The following ZNF385D variants were observed in gnomAD, a reference collection of about 807,000 sequenced individuals.
The protein encoded by ZNF385D is zinc finger protein 659.
Under a neutral mutation model 35.8 loss-of-function variants are expected in ZNF385D, and 15 were observed. The observed-to-expected ratio is 0.42, with a 90% CI of 0.28 to 0.64. ZNF385D has a LOEUF of 0.64. ZNF385D is among the 30% of genes least tolerant of loss of function. ZNF385D has a pLI of 0.23. For missense variants in ZNF385D, 474 were observed against 494.6 expected (o/e 0.96, Z 0.39); for synonymous variants, 212 against 186.8 (o/e 1.13, Z -1.10).
rs187279995 is a variant in ZNF385D, at chr3:21,815,667, C to G, written c.326-150639G>C. Among the ~76,000 whole-genome samples, 403 of 152,294 alleles carry G rather than the reference C, an allele frequency of 2.6e-3. 2 individuals are homozygous for G. The highest frequency in any genetic ancestry group is 9.2e-3 in the African/African-American group (383 of 41,550). On this transcript the variant is annotated intron_variant, in intron 3 of 5. Transcript: ENST00000494108. ...TCCCTGAATAGACCAATAGCAGGCT[C>G]TGAAATTGAGATAATAATTAATAGC...
Position 22,137,876 on chromosome 3 carries a change from A to G in ZNF385D, c.325+30941T>C, listed in dbSNP as rs562691799. On this transcript the variant is annotated intron_variant, in intron 3 of 5. Transcript: ENST00000494108. ...ATTCAATTAGGAAAAGAGGAAGTCAAATTGTCCCTGTTTGCAGATGACATG... is the reference window on the plus strand; with the variant it reads ...ATTCAATTAGGAAAAGAGGAAGTCAGATTGTCCCTGTTTGCAGATGACATG... Among the ~76,000 whole-genome samples, 144 of 152,146 alleles carry G rather than the reference A, an allele frequency of 9.5e-4. 1 individual carries two copies. The highest frequency in any genetic ancestry group is 3.3e-3 in the Admixed American group (51 of 15,258).
chr3:22,188,850 T>TTCTTTTC (rs1695827436), intron 2 of ZNF385D, among the ~76,000 whole-genome samples: 1 of 152,212 alleles, frequency 6.6e-6, no homozygotes, highest in Admixed American at 6.6e-5. Flanking sequence ...ATTTCTTTTT[T>TTCTTTTC]TCTTTTCTCT....
intron 3 of ZNF385D, among the ~76,000 whole-genome samples, chr3:22,165,046 C>T (rs1706222885): frequency 6.6e-6 from 1 of 152,174 alleles, no homozygotes; most frequent in African/African-American, 2.4e-5. Flanking sequence ...ACTTTTAGGG[C>T]AGCAAAACTA....
intron 3 of ZNF385D, among the ~76,000 whole-genome samples, chr3:22,008,808 T>C (rs1696382734): frequency 6.6e-6 from 1 of 152,176 alleles, no homozygotes; most frequent in South Asian, 2.1e-4. Flanking sequence ...ATTATAAAAA[T>C]ACTGCAAGTC....
intron 3 of ZNF385D, among the ~76,000 whole-genome samples, chr3:22,109,732 C>A (rs978859803): frequency 7.9e-5 from 12 of 151,936 alleles, no homozygotes; most frequent in African/African-American, 2.7e-4. Flanking sequence ...GGACTTCATG[C>A]CTAAAACACC....
At chr3:21,898,436 ATGT>A (rs1207231857) in intron 3 of ZNF385D, among the ~76,000 whole-genome samples, 1 of 152,186 alleles carries the variant, frequency 6.6e-6, no homozygotes, top group Non-Finnish European at 1.5e-5. Flanking sequence ...ACATAAGAAA[ATGT>A]TGTTCATGCA....
At chr3:22,247,116 G>T (rs1699826292) in intron 2 of ZNF385D, among the ~76,000 whole-genome samples, 1 of 152,040 alleles carries the variant, frequency 6.6e-6, no homozygotes, top group Non-Finnish European at 1.5e-5. Context: ...TGGGCATCAG[G>T]AAGTAAAACT....
chr3:21,564,643 C>T lies in ZNF385D; in HGVS notation c.207G>A (p.Gly69=). 1 of 1,583,120 alleles carries T rather than the reference C, an allele frequency of 6.3e-7. No individual in the cohort carries two copies. The change falls in exon 3 of 8, where the codon GGG becomes GGA. Residue 69 remains glycine (G), a synonymous_variant. Transcript: ENST00000281523. Reference sequence around the variant, plus strand: ...GCTTTCTTCGGTGGGGAAGAGGAACCCCGAATGTATGGTTTATTACAGCTT... The same window carrying T: ...GCTTTCTTCGGTGGGGAAGAGGAACTCCGAATGTATGGTTTATTACAGCTT... The part of the protein sequence containing the change: ...IQKAVINHTF[G]VPLPHRRKQI...
intron 4 of ZNF385D, among the ~76,000 whole-genome samples, chr3:21,488,609 ACT>A (rs200355748): frequency 2.0e-5 from 3 of 151,916 alleles, no homozygotes; most frequent in Non-Finnish European, 2.9e-5. Context: ...AGTGAATTTG[ACT>A]CTCTCTGTGA....
rs963258146 is a variant in ZNF385D, at chr3:21,413,101, A to C, written c.*8113T>G. On this transcript the variant is annotated 3_prime_UTR_variant, in exon 8 of 8. Coordinates refer to ENST00000281523, the MANE Select transcript of ZNF385D (RefSeq NM_024697.3). ...GTAGTTCTTTGGGTTTTTAATGAAA[A>C]CAAATATAACAATAACATATAGAAT... 1 of 152,034 alleles carries C rather than the reference A, an allele frequency of 6.6e-6. No homozygotes were observed. Among genetic ancestry groups the C allele is most frequent in the Non-Finnish European group, 1.5e-5 (1 of 67,976 alleles). The allele number at this position is 152,034 out of a possible 1,614,324, so 9.4% of individuals were successfully genotyped here. A position where few individuals can be genotyped will look rare whatever the true frequency, so the allele number is the denominator to read the frequency against.
chr3:22,125,767 T>A (rs147946121), intron 3 of ZNF385D, among the ~76,000 whole-genome samples: 1 of 152,138 alleles, frequency 6.6e-6, no homozygotes, highest in South Asian at 2.1e-4. Flanking sequence ...TATGTTGATT[T>A]TGTATCCTGC....
intron 3 of ZNF385D, among the ~76,000 whole-genome samples, chr3:21,981,611 G>C (rs1694455979): frequency 6.6e-6 from 1 of 152,094 alleles, no homozygotes; most frequent in Admixed American, 6.6e-5. Flanking sequence ...AATTGCTTTT[G>C]GTGTCTTTGT....
At chr3:21,920,820 G>T (rs1700421660) in intron 3 of ZNF385D, among the ~76,000 whole-genome samples, 1 of 152,094 alleles carries the variant, frequency 6.6e-6, no homozygotes, top group Non-Finnish European at 1.5e-5. Flanking sequence ...CAACAATCTT[G>T]CAGACTGATC....
In ZNF385D at chr3:21,636,723, G is replaced by C. The variant is rs1047295166; in HGVS notation, c.165+28163C>G. On this transcript the variant is annotated intron_variant, in intron 2 of 7. Coordinates refer to ENST00000281523, the MANE Select transcript of ZNF385D (RefSeq NM_024697.3). Reference sequence around the variant, plus strand: ...CTGACTCAAATGTTAATCTCCTTTGGCAACACCCTCGCAGACACACCCAGG... The same window carrying C: ...CTGACTCAAATGTTAATCTCCTTTGCCAACACCCTCGCAGACACACCCAGG... Among the ~76,000 whole-genome samples the C allele has an allele frequency of 9.9e-5, 15 of 151,706 alleles. 1 individual carries two copies. The highest frequency in any genetic ancestry group is 9.9e-4 in the Admixed American group (15 of 15,196).
At chr3:22,296,796 T>C (rs560801279) in intron 2 of ZNF385D, among the ~76,000 whole-genome samples, 211 of 152,252 alleles carry the variant, frequency 1.4e-3, no homozygotes, top group African/African-American at 4.5e-3. Flanking sequence ...GTCTTGAGCA[T>C]GGTGGTTGGC....
At chr3:22,222,166 G>A (rs964304993) in intron 2 of ZNF385D, among the ~76,000 whole-genome samples, 1 of 151,814 alleles carries the variant, frequency 6.6e-6, no homozygotes, top group East Asian at 1.9e-4. Flanking sequence ...TAGTAGAGAT[G>A]GGGATTCACC....
Position 21,719,560 on chromosome 3 carries a change from G to C in ZNF385D, c.22+31335C>G, listed in dbSNP as rs112367222. ...TTAATAGTAAAAAAACACACCCCTGGGTAGAGATTTAAGATGCTAATGAGA... is the reference window on the plus strand; with the variant it reads ...TTAATAGTAAAAAAACACACCCCTGCGTAGAGATTTAAGATGCTAATGAGA... On this transcript the variant is annotated intron_variant, in intron 1 of 7. Coordinates refer to ENST00000281523, the MANE Select transcript of ZNF385D (RefSeq NM_024697.3). 5.9e-3 allele frequency among the ~76,000 whole-genome samples: 893 copies of C among 152,186 alleles called. 9 individuals carry two copies. The highest frequency in any genetic ancestry group is 0.021 in the African/African-American group (858 of 41,510).
chr3:21,902,534 C>G (rs1238919417), intron 3 of ZNF385D, among the ~76,000 whole-genome samples: 1 of 152,072 alleles, frequency 6.6e-6, no homozygotes, highest in Non-Finnish European at 1.5e-5. Flanking sequence ...TTTATAGAAT[C>G]AAGTAGCTTT....
chr3:22,240,650 C>G lies in ZNF385D; in HGVS notation c.107-71615G>C, dbSNP rs749198010. Among the ~76,000 whole-genome samples, 7 of 151,022 alleles carry G rather than the reference C, an allele frequency of 4.6e-5. 2 individuals carry two copies. The South Asian group carries it at 1.5e-3, about 33-fold the overall frequency. On this transcript the variant is annotated intron_variant, in intron 2 of 5. Coordinates refer to the ZNF385D transcript ENST00000494108. Reference sequence around the variant, plus strand: ...TAGTCTTTGAGGTTGCAGCAATTGACCCACAATTGCTGCCCTCTTGATCCT... The same window carrying G: ...TAGTCTTTGAGGTTGCAGCAATTGAGCCACAATTGCTGCCCTCTTGATCCT...
Sources: gnomAD v4.1 joint callset for allele counts (sites outside exome capture counted in the v4.1 genomes callset) on GRCh38, gnomAD v4.1.1 for gene constraint, MANE v1.5 for transcripts, NCBI Gene and HGNC (gene_info 2026-07-23, HGNC 2026-07-21) for gene names.